ZNF148: variants seen among roughly 807,000 people sequenced by gnomAD.
ZNF148 encodes the protein Beta-Enolase Repressor Factor-1.
In ZNF148, 7 loss-of-function variants were observed where a neutral mutation model predicts 67.7. The ratio of observed to expected loss-of-function variants is 0.10; its 90% CI spans 0.06 to 0.19. ZNF148 has a LOEUF of 0.19. Ranked by LOEUF, ZNF148 falls within the 10% of genes least tolerant of loss-of-function variation. The pLI, the probability that ZNF148 is intolerant of heterozygous loss-of-function variation, is 1.00. For missense variants in ZNF148, 583 were observed against 947.1 expected, an observed-to-expected ratio of 0.62 and a Z score of 5.05; for synonymous variants, 333 against 330.7, an observed-to-expected ratio of 1.01 and a Z score of -0.08.
At chr3:125,317,643 TTA>T (rs796710882) in intron 3 of ZNF148, among the ~76,000 whole-genome samples, 36 of 100,996 alleles carry the variant, frequency 3.6e-4, no homozygotes, top group Non-Finnish European at 5.2e-4. Flanking sequence ...GTAAGATCTT[TTA>T]TATATATATA....
intron 1 of ZNF148, among the ~76,000 whole-genome samples, chr3:125,364,324 A>G (rs890537476): frequency 1.6e-4 from 24 of 152,322 alleles, no homozygotes; most frequent in African/African-American, 5.8e-4. Flanking sequence ...GCTTGAACCC[A>G]GAAGGCGGAG....
intron 7 of ZNF148, among the ~76,000 whole-genome samples, chr3:125,260,389 C>T (rs1708547282): frequency 6.6e-6 from 1 of 152,016 alleles, no homozygotes; most frequent in African/African-American, 2.4e-5. Context: ...TATGACCCAG[C>T]AATATCACTC....
chr3:125,305,814 G>C (rs1028109031), intron 4 of ZNF148, among the ~76,000 whole-genome samples: 1 of 145,596 alleles, frequency 6.9e-6, no homozygotes, highest in Non-Finnish European at 1.5e-5. Context: ...AAGAAAAAAA[G>C]AAAAAGTGAA....
intron 2 of ZNF148, among the ~76,000 whole-genome samples, chr3:125,330,123 T>TATCAGAAGATATGGTA (rs1941221626): frequency 6.6e-6 from 1 of 152,156 alleles, no homozygotes; most frequent in Non-Finnish European, 1.5e-5. Flanking sequence ...AGGAAAATCC[T>TATCAGAAGATATGGTA]AAAATATGGC....
At chr3:125,262,452 TCTAA>T (rs1195542555) in intron 7 of ZNF148, among the ~76,000 whole-genome samples, 1 of 152,242 alleles carries the variant, frequency 6.6e-6, no homozygotes, top group Non-Finnish European at 1.5e-5. Context: ...TGCTTCTTGT[TCTAA>T]CTGATAGCAT....
At chr3:125,249,049 T>TA (rs1318066252) in intron 7 of ZNF148, among the ~76,000 whole-genome samples, 8 of 152,168 alleles carry the variant, frequency 5.3e-5, no homozygotes. Context: ...ATTAAAGACT[T>TA]AAACATAAGA....
chr3:125,275,655 T>C (rs1359113996), intron 7 of ZNF148, among the ~76,000 whole-genome samples: 3 of 152,260 alleles, frequency 2.0e-5, no homozygotes, highest in African/African-American at 7.2e-5. Context: ...CACAGTTTTC[T>C]GGTACTTAGT....
intron 1 of ZNF148, among the ~76,000 whole-genome samples, chr3:125,364,662 T>A (rs1389481697): frequency 6.6e-6 from 1 of 152,154 alleles, no homozygotes; most frequent in Non-Finnish European, 1.5e-5. Flanking sequence ...TTATTTTTGG[T>A]TGGATGAGAT....
intron 7 of ZNF148, among the ~76,000 whole-genome samples, chr3:125,264,709 G>A (rs1428787958): frequency 6.6e-6 from 1 of 152,160 alleles, no homozygotes; most frequent in Non-Finnish European, 1.5e-5. Context: ...TTTTTCCTCT[G>A]AAATGCCTTT....
chr3:125,269,750 T>C (rs755547664), intron 7 of ZNF148, among the ~76,000 whole-genome samples: 2 of 152,148 alleles, frequency 1.3e-5, no homozygotes, highest in African/African-American at 4.8e-5. Flanking sequence ...GTGGTACATA[T>C]ACACCATGGA....
At chr3:125,335,463 T>C (rs1203821435) in intron 1 of ZNF148, among the ~76,000 whole-genome samples, 1 of 152,178 alleles carries the variant, frequency 6.6e-6, no homozygotes, top group African/African-American at 2.4e-5. Flanking sequence ...TTGGCAACAT[T>C]ACCTTACCTA....
chr3:125,279,028 G>C, intron 6 of ZNF148, 96 bp downstream of exon 6: 10 of 1,269,960 alleles, frequency 7.9e-6, no homozygotes, highest in Non-Finnish European at 1.0e-5. Context: ...TGCCAGATTA[G>C]CTATGGTCTT....
At chr3:125,245,582 C>G (rs545782397) in intron 7 of ZNF148, among the ~76,000 whole-genome samples, 1 of 152,340 alleles carries the variant, frequency 6.6e-6, no homozygotes, top group East Asian at 1.9e-4. Context: ...CCCCTCTAAA[C>G]TGCACAAATG....
At chr3:125,259,978 C>A (rs1428801475) in intron 7 of ZNF148, among the ~76,000 whole-genome samples, 1 of 152,030 alleles carries the variant, frequency 6.6e-6, no homozygotes, top group African/African-American at 2.4e-5. Context: ...GGCTTAATTT[C>A]AATATTGTAG....
At chr3:125,318,995 C>G (rs926524690) in intron 3 of ZNF148, among the ~76,000 whole-genome samples, 1 of 152,078 alleles carries the variant, frequency 6.6e-6, no homozygotes, top group Admixed American at 6.6e-5. Flanking sequence ...CCTCCCTGCT[C>G]CCACTCCCAA....
At chr3:125,349,742 G>C (rs1172003200) in intron 1 of ZNF148, among the ~76,000 whole-genome samples, 1 of 152,208 alleles carries the variant, frequency 6.6e-6, no homozygotes, top group Non-Finnish European at 1.5e-5. Context: ...TCAGGAGGCT[G>C]AGGCAGGAGG....
chr3:125,244,617 C>T (rs1936513413), intron 7 of ZNF148, among the ~76,000 whole-genome samples: 1 of 152,096 alleles, frequency 6.6e-6, no homozygotes, highest in Non-Finnish European at 1.5e-5. Context: ...CCTGCCTCAG[C>T]CTCCTGAGTA....
At chr3:125,346,126 T>C (rs1056110978) in intron 1 of ZNF148, among the ~76,000 whole-genome samples, 4 of 152,232 alleles carry the variant, frequency 2.6e-5, no homozygotes, top group African/African-American at 9.6e-5. Flanking sequence ...GGATTATGCA[T>C]GACCATGTAG....
At chr3:125,235,784 G>C (rs1936058458) in intron 7 of ZNF148, among the ~76,000 whole-genome samples, 1 of 151,930 alleles carries the variant, frequency 6.6e-6, no homozygotes, top group African/African-American at 2.4e-5. Context: ...AAAAGGATGA[G>C]TTCATGTCCT....
Sources: gnomAD v4.1 joint callset for allele counts (sites outside exome capture counted in the v4.1 genomes callset) on GRCh38, gnomAD v4.1.1 for gene constraint, MANE v1.5 for transcripts, NCBI Gene and HGNC (gene_info 2026-07-23, HGNC 2026-07-21) for gene names.